Variants in EYS observed in about 807,000 individuals in gnomAD.
EYS encodes the protein protein eyes shut homolog.
EYS carries 250 observed loss-of-function variants against 282.1 expected under a neutral mutation model. That is an observed-to-expected ratio of 0.89 (90% confidence interval 0.80 to 0.98). The LOEUF (loss-of-function observed/expected upper bound fraction) is 0.98, where lower values mean the gene tolerates loss of function less well. Among genes scored for constraint, EYS ranks in the 50% least tolerant of loss-of-function variants. The pLI, the probability that EYS is intolerant of heterozygous loss-of-function variation, is 0.00. For synonymous variants in EYS, 1,355 were observed against 1,282.9 expected, an observed-to-expected ratio of 1.06 and a Z score of -1.20; for missense variants, 4,016 against 3,709.0, an observed-to-expected ratio of 1.08 and a Z score of -2.15.
intron 35 of EYS, among the ~76,000 whole-genome samples, chr6:63,973,248 C>A (rs1285313714): frequency 6.6e-6 from 1 of 152,270 alleles, no homozygotes; most frequent in South Asian, 2.1e-4. Flanking sequence ...GATCAGCATT[C>A]TAACTGGCAT....
intron 5 of EYS, among the ~76,000 whole-genome samples, chr6:65,448,113 C>T (rs924256462): frequency 2.0e-5 from 3 of 151,982 alleles, no homozygotes; most frequent in African/African-American, 7.2e-5. Context: ...TTAAACATCA[C>T]TTGCCCTATC....
chr6:65,069,447 C>T (rs1005527243), intron 12 of EYS, among the ~76,000 whole-genome samples: 1 of 151,914 alleles, frequency 6.6e-6, no homozygotes, highest in African/African-American at 2.4e-5. Flanking sequence ...TGTTACAGGA[C>T]ATCATTAAAG....
chr6:64,704,509 A>ATAATATAATACTTATAATT (rs1491172765), intron 22 of EYS, among the ~76,000 whole-genome samples: 1 of 67,554 alleles, frequency 1.5e-5, no homozygotes, highest in Non-Finnish European at 3.8e-5. Context: ...TACTTATAAT[A>ATAATATAATACTTATAATT]ATATTATAAT....
Position 65,390,580 on chromosome 6 carries a change from A to G in EYS, c.1185-6080T>C, listed in dbSNP as rs146566142. Among the ~76,000 whole-genome samples, 1,044 of 152,036 alleles carry G rather than the reference A, an allele frequency of 6.9e-3. 14 individuals carry two copies. Among genetic ancestry groups the G allele is most frequent in the African/African-American group, 0.021 (876 of 41,504 alleles). On this transcript the variant is annotated intron_variant, in intron 7 of 42. Transcript: ENST00000503581. ...CAGGTTTCAGTGAGAAAAAAAAAAGAAAGTGTAGAAAAAATATTGTGGGCT... is the reference window on the plus strand; with the variant it reads ...CAGGTTTCAGTGAGAAAAAAAAAAGGAAGTGTAGAAAAAATATTGTGGGCT...
At chr6:65,438,886 T>C (rs1373057002) in intron 5 of EYS, among the ~76,000 whole-genome samples, 1 of 152,228 alleles carries the variant, frequency 6.6e-6, no homozygotes, top group Non-Finnish European at 1.5e-5. Context: ...ATTTTGGCTT[T>C]TGTTACCATT....
At chr6:65,364,089 T>G (rs1469873051) in intron 8 of EYS, among the ~76,000 whole-genome samples, 2 of 151,250 alleles carry the variant, frequency 1.3e-5, no homozygotes, top group Non-Finnish European at 3.0e-5. Context: ...TTTTTCCAAA[T>G]AAACTCTTGG....
At chr6:63,913,034 G>T (rs1033145558) in intron 35 of EYS, among the ~76,000 whole-genome samples, 4 of 152,146 alleles carry the variant, frequency 2.6e-5, no homozygotes, top group South Asian at 2.1e-4. Flanking sequence ...ACTCTTTAGG[G>T]TTTCTTTTTT....
intron 31 of EYS, among the ~76,000 whole-genome samples, chr6:64,205,832 C>CAT (rs1427747207): frequency 3.9e-4 from 58 of 150,498 alleles, no homozygotes; most frequent in African/African-American, 1.4e-3. Context: ...CACACACACA[C>CAT]ACACACACAC....
chr6:63,848,094 T>G (rs538077235), intron 36 of EYS, among the ~76,000 whole-genome samples: 1 of 152,244 alleles, frequency 6.6e-6, no homozygotes, highest in African/African-American at 2.4e-5. Context: ...CCTTATTTTG[T>G]TCTTACTGTT....
intron 22 of EYS, among the ~76,000 whole-genome samples, chr6:64,801,075 C>G (rs183386454): frequency 1.3e-5 from 2 of 151,862 alleles, no homozygotes; most frequent in African/African-American, 4.8e-5. Flanking sequence ...ATTTTTATAA[C>G]TTTATAGTTC....
chr6:63,964,501 T>C lies in EYS; in HGVS notation c.7055+19882A>G, dbSNP rs530143971. On this transcript the variant is annotated intron_variant, in intron 35 of 42. Transcript: ENST00000503581. ...ACAACAGGAAAAGGAACTGTTGATT[T>C]GCAATTTTTCTGCCTTGTCTTTTGC... 2.6e-5 allele frequency among the ~76,000 whole-genome samples: 4 copies of C among 152,250 alleles called. No homozygotes were observed. In the South Asian group the frequency reaches 8.3e-4, roughly 32 times the overall value.
chr6:64,703,803 T>G (rs1770879723), intron 22 of EYS, among the ~76,000 whole-genome samples: 1 of 152,186 alleles, frequency 6.6e-6, no homozygotes, highest in Non-Finnish European at 1.5e-5. Flanking sequence ...AATAGTAACA[T>G]ATTTTAAGTA....
intron 19 of EYS, among the ~76,000 whole-genome samples, chr6:64,851,903 C>G (rs1040372232): frequency 2.0e-5 from 3 of 152,056 alleles, no homozygotes; most frequent in African/African-American, 7.2e-5. Flanking sequence ...TAATGGTGAT[C>G]TGTACAAGAA....
At chr6:64,190,139 ATAAG>A (rs1305661980) in intron 31 of EYS, among the ~76,000 whole-genome samples, 2 of 152,176 alleles carry the variant, frequency 1.3e-5, no homozygotes, top group African/African-American at 4.8e-5. Flanking sequence ...GAAGGTACCG[ATAAG>A]TAAGCAGGTG....
At chr6:65,402,261 G>T (rs1766537398) in intron 7 of EYS, among the ~76,000 whole-genome samples, 2 of 151,324 alleles carry the variant, frequency 1.3e-5, no homozygotes, top group African/African-American at 4.9e-5. Flanking sequence ...CCTAAATTAT[G>T]CTTGAGAATT....
chr6:63,828,459 G>A (rs1771533947), intron 36 of EYS, among the ~76,000 whole-genome samples: 1 of 152,172 alleles, frequency 6.6e-6, no homozygotes, highest in Non-Finnish European at 1.5e-5. Flanking sequence ...AAACCTAGAA[G>A]AGATGGATAA....
At chr6:65,376,001 C>G (rs1371503962) in intron 8 of EYS, among the ~76,000 whole-genome samples, 1 of 152,092 alleles carries the variant, frequency 6.6e-6, no homozygotes, top group African/African-American at 2.4e-5. Context: ...GACAGGCCAG[C>G]ATTCAAATCC....
rs114610871 is a variant in EYS, at chr6:64,305,735, T to C, written c.6191+1235A>G. Reference sequence around the variant, plus strand: ...CTTACCTAACACCATATACAATAATTAACTAAAAATGGATTAAAAAGCTGA... The same window carrying C: ...CTTACCTAACACCATATACAATAATCAACTAAAAATGGATTAAAAAGCTGA... On this transcript the variant is annotated intron_variant, in intron 30 of 42. Transcript: ENST00000503581. 7.2e-3 allele frequency among the ~76,000 whole-genome samples: 1,102 copies of C among 152,228 alleles called. 11 individuals are homozygous for C. Among genetic ancestry groups the C allele is most frequent in the African/African-American group, 0.025 (1,041 of 41,538 alleles).
At chr6:65,017,472 C>A (rs1486708762) in intron 13 of EYS, among the ~76,000 whole-genome samples, 4 of 152,138 alleles carry the variant, frequency 2.6e-5, no homozygotes, top group East Asian at 1.9e-4. Context: ...CATTAAATAG[C>A]AAATGAATTG....
Sources: gnomAD v4.1 joint callset for allele counts (sites outside exome capture counted in the v4.1 genomes callset) on GRCh38, gnomAD v4.1.1 for gene constraint, MANE v1.5 for transcripts, NCBI Gene and HGNC (gene_info 2026-07-23, HGNC 2026-07-21) for gene names.